Variants in KRTAP2-3 observed in about 807,000 individuals in gnomAD.
KRTAP2-3 encodes the protein keratin-associated protein 2-3.
KRTAP2-3 carries 9 observed loss-of-function variants against 11.2 expected under a neutral mutation model. That is an observed-to-expected ratio of 0.80 (90% CI 0.48 to 1.40). The LOEUF is 1.40. KRTAP2-3 is among the 40% of genes most tolerant of loss of function. The pLI is 0.00. For synonymous variants in KRTAP2-3, 45 were observed against 76.2 expected, an observed-to-expected ratio of 0.59 and a Z score of 2.13; for missense variants, 93 against 176.8, an observed-to-expected ratio of 0.53 and a Z score of 2.69.
In KRTAP2-3 at chr17:41,059,484, C is replaced by T. The variant is rs951515070; in HGVS notation, c.*180G>A. 6.4e-6 allele frequency: 7 copies of T among 1,089,400 alleles called. No homozygotes were observed. In the South Asian group the frequency reaches 1.1e-4, roughly 17 times the overall value. The allele number at this position is 1,089,400 out of a possible 1,614,324, so 67.5% of individuals were successfully genotyped here. A position where few individuals can be genotyped will look rare whatever the true frequency, so the allele number is the denominator to read the frequency against. ...TTTTTCTCAAGATTGTCAGAGAGGG[C>T]CAGGATTAGCTGCATAATTATGTGG... On this transcript the variant is annotated 3_prime_UTR_variant, in exon 1 of 1. Transcript: ENST00000391418.
Position 41,059,577 on chromosome 17 carries a change from C to T in KRTAP2-3, c.*87G>A, listed in dbSNP as rs545020703. On this transcript the variant is annotated 3_prime_UTR_variant, in exon 1 of 1. Coordinates refer to ENST00000391418, the MANE Select transcript of KRTAP2-3 (RefSeq NM_001165252.2). ...CAGCTAGGCTGCAAAGGTGGAGTCT[C>T]TCATCTGATCCAGAAGGGGTAGAAG... is the stretch of plus-strand genomic sequence containing the variant. The T allele has an allele frequency of 6.0e-6, 9 of 1,497,900 alleles. No individual in the cohort carries two copies. The highest frequency in any genetic ancestry group is 8.1e-6 in the Non-Finnish European group (9 of 1,116,900). The allele number at this position is 1,497,900 out of a possible 1,614,324, so 92.8% of individuals were successfully genotyped here. A position where few individuals can be genotyped will look rare whatever the true frequency, so the allele number is the denominator to read the frequency against.
rs753563181 is a variant in KRTAP2-3 at position 41,059,653 on chromosome 17, G to C, written c.*11C>G. The C allele has an allele frequency of 6.5e-7, 1 of 1,549,640 alleles. No homozygotes were observed. Among genetic ancestry groups the C allele is most frequent in the South Asian group, 1.2e-5 (1 of 83,880 alleles). On this transcript the variant is annotated 3_prime_UTR_variant, in exon 1 of 1. Coordinates refer to ENST00000391418, the MANE Select transcript of KRTAP2-3 (RefSeq NM_001165252.2). The stretch of plus-strand genomic sequence containing the variant: ...GGGAATGTTTCGTGCGTTGAGAGGA[G>C]AGGTGGGGTCTCAGCAGGAGGAGGT...
Position 41,059,991 on chromosome 17 carries a change from G to C in KRTAP2-3, c.60C>G (p.Cys20Trp). 1 of 1,531,672 alleles carries C rather than the reference G, an allele frequency of 6.5e-7. No homozygotes were observed. 94.9% of individuals were successfully genotyped at this position (1,531,672 alleles called of 1,614,324 possible). A position where few individuals can be genotyped will look rare whatever the true frequency, so the allele number is the denominator to read the frequency against. ...LSSLSYGGGCCQPCCCRDPCC... is the reference protein window; with the variant it reads ...LSSLSYGGGCWQPCCCRDPCC... Reference sequence around the variant, plus strand: ...AGGGGTCGCGGCAGCAGCAGGGCTGGCAGCAGCCTCCCCCGTAGCTCAGGG... The same window carrying C: ...AGGGGTCGCGGCAGCAGCAGGGCTGCCAGCAGCCTCCCCCGTAGCTCAGGG... The change falls in exon 1 of 1, where the codon TGC becomes TGG. Residue 20 changes from cysteine to tryptophan, a missense_variant. Coordinates refer to ENST00000391418, the MANE Select transcript of KRTAP2-3 (RefSeq NM_001165252.2).
rs1597961754 is a variant in KRTAP2-3 at position 41,059,424 on chromosome 17, T to C, written c.*240A>G. 6 of 719,544 alleles carry C rather than the reference T, an allele frequency of 8.3e-6. No homozygotes were observed. In the East Asian group the frequency reaches 1.4e-4, roughly 17 times the overall value. 44.6% of individuals were successfully genotyped at this position (719,544 alleles called of 1,614,324 possible). On this transcript the variant is annotated 3_prime_UTR_variant, in exon 1 of 1. Transcript: ENST00000391418. ...TTGATTTTTATTTACTCGTTTTTTT[T>C]TTCAAGCCAGGAATTCGAATGATGA... is the stretch of plus-strand genomic sequence containing the variant.
Position 41,059,563 on chromosome 17 carries a change from C to T in KRTAP2-3, c.*101G>A. On this transcript the variant is annotated 3_prime_UTR_variant, in exon 1 of 1. Transcript: ENST00000391418. ...TCGTGCTTGAGGATCAGCTAGGCTG[C>T]AAAGGTGGAGTCTCTCATCTGATCC... 1 of 1,471,222 alleles carries T rather than the reference C, an allele frequency of 6.8e-7. No homozygotes were observed. Among genetic ancestry groups the T allele is most frequent in the Middle Eastern group, 2.2e-4 (1 of 4,586 alleles). 91.1% of individuals were successfully genotyped at this position (1,471,222 alleles called of 1,614,324 possible). A position where few individuals can be genotyped will look rare whatever the true frequency, so the allele number is the denominator to read the frequency against.
Position 41,059,636 on chromosome 17 carries a change from T to C in KRTAP2-3, c.*28A>G. Reference sequence around the variant, plus strand: ...CAAGCTTCTGTGCACCTGGGAATGTTTCGTGCGTTGAGAGGAGAGGTGGGG... The same window carrying C: ...CAAGCTTCTGTGCACCTGGGAATGTCTCGTGCGTTGAGAGGAGAGGTGGGG... On this transcript the variant is annotated 3_prime_UTR_variant, in exon 1 of 1. Transcript: ENST00000391418. 6.5e-7 allele frequency: 1 copy of C among 1,549,248 alleles called. No individual in the cohort carries two copies. Among genetic ancestry groups the C allele is most frequent in the South Asian group, 1.2e-5 (1 of 83,810 alleles).
Position 41,059,822 on chromosome 17 carries a change from T to C in KRTAP2-3, c.229A>G (p.Ile77Val). The C allele has an allele frequency of 6.5e-7, 1 of 1,534,994 alleles. No homozygotes were observed. The highest frequency in any genetic ancestry group is 8.7e-7 in the Non-Finnish European group (1 of 1,143,274). The stretch of plus-strand genomic sequence containing the variant: ...GTGCACGACGAGGGGCAGCAGGTGA[T>C]GGGGCGGCAGCAGCCTTCCTGCAGG... ...CSLQEGCCRP[I>V]TCCPSSCTAV... Residue 77 changes from isoleucine (I) to valine (V), a missense_variant, in exon 1 of 1, where the codon ATC (isoleucine) becomes GTC (valine). Physicochemically the swap from Ile to Val is conservative, Grantham distance 29 (BLOSUM62 3). Transcript: ENST00000391418.
At position 41,059,670 on chromosome 17, in the gene KRTAP2-3, G is replaced by A; in HGVS notation, c.381C>T (p.Ser127=). 3 of 1,555,308 alleles carry A rather than the reference G, an allele frequency of 1.9e-6. No homozygotes were observed. In the South Asian group the frequency reaches 3.6e-5, roughly 18 times the overall value. ...TPCSTTCRTS[S]C ...TGAGAGGAGAGGTGGGGTCTCAGCA[G>A]GAGGAGGTCCTGCAGGTGGTGCTGC... Residue 127 remains serine, a synonymous_variant, in exon 1 of 1, where the codon TCC becomes TCT. Coordinates refer to ENST00000391418, the MANE Select transcript of KRTAP2-3 (RefSeq NM_001165252.2).
chr17:41,059,879 A>C lies in KRTAP2-3; in HGVS notation c.172T>G (p.Cys58Gly). The C allele has an allele frequency of 3.3e-6, 5 of 1,512,788 alleles. No homozygotes were observed. Among genetic ancestry groups the C allele is most frequent in the Non-Finnish European group, 4.4e-6 (5 of 1,132,696 alleles). 93.7% of individuals were successfully genotyped at this position (1,512,788 alleles called of 1,614,324 possible). A position where few individuals can be genotyped will look rare whatever the true frequency, so the allele number is the denominator to read the frequency against. ...PRCTRPICEP[C>G]RRPVCCDPCS... is the part of the protein sequence containing the mutation. ...GGGTCGCAGCACACCGGGCGGCGGC[A>C]GGGCTCGCAGATGGGGCGCGTGCAG... The change falls in exon 1 of 1, where the codon TGC becomes GGC. Residue 58 changes from cysteine to glycine, a missense_variant. By Grantham distance (159) the Cys-to-Gly change is radical (BLOSUM62 -3). Coordinates refer to ENST00000391418, the MANE Select transcript of KRTAP2-3 (RefSeq NM_001165252.2).
At position 41,059,817 on chromosome 17, in the gene KRTAP2-3, G is replaced by A. The variant is rs367876457; in HGVS notation, c.234C>T (p.Thr78=). 1.6e-4 allele frequency: 241 copies of A among 1,536,762 alleles called. No homozygotes were observed. The East Asian group carries it at 2.5e-3, about 16-fold the overall frequency. The part of the protein sequence containing the change: ...SLQEGCCRPI[T]CCPSSCTAVV... ...CAGCCGTGCACGACGAGGGGCAGCA[G>A]GTGATGGGGCGGCAGCAGCCTTCCT... The change falls in exon 1 of 1, where the codon ACC becomes ACT. Residue 78 remains threonine, a synonymous_variant. Coordinates refer to ENST00000391418, the MANE Select transcript of KRTAP2-3 (RefSeq NM_001165252.2).
Position 41,059,933 on chromosome 17 carries a change from C to A in KRTAP2-3, c.118G>T (p.Val40Leu), listed in dbSNP as rs2013151409. Reference protein sequence around the residue: ...CCRPVTCQTTVCRPVTCVPRC... With the variant: ...CCRPVTCQTTLCRPVTCVPRC... ...GGCACGCAGGTCACGGGGCGGCACA[C>A]GGTGGTCTGGCAGGTCACGGGGCGG... Residue 40 changes from valine (V) to leucine (L), a missense_variant, in exon 1 of 1, where the codon GTG (valine) becomes TTG (leucine). Coordinates refer to ENST00000391418, the MANE Select transcript of KRTAP2-3 (RefSeq NM_001165252.2). The A allele has an allele frequency of 1.3e-6, 2 of 1,513,542 alleles. No individual in the cohort carries two copies. Among genetic ancestry groups the A allele is most frequent in the Non-Finnish European group, 1.8e-6 (2 of 1,135,774 alleles). 93.8% of individuals were successfully genotyped at this position (1,513,542 alleles called of 1,614,324 possible). A position where few individuals can be genotyped will look rare whatever the true frequency, so the allele number is the denominator to read the frequency against.
At position 41,059,364 on chromosome 17, in the gene KRTAP2-3, G is replaced by T; in HGVS notation, c.*300C>A. Reference sequence around the variant, plus strand: ...TTGAAACAGTAGAAAAAAGGGTGATGAGTCAGTGGGACAGAGTTCTATTCA... The same window carrying T: ...TTGAAACAGTAGAAAAAAGGGTGATTAGTCAGTGGGACAGAGTTCTATTCA... On this transcript the variant is annotated 3_prime_UTR_variant, in exon 1 of 1. Transcript: ENST00000391418. The T allele has an allele frequency of 2.2e-6, 1 of 462,894 alleles. No individual in the cohort carries two copies. Among genetic ancestry groups the T allele is most frequent in the Non-Finnish European group, 3.7e-6 (1 of 269,884 alleles). The allele number at this position is 462,894 out of a possible 1,614,324, so 28.7% of individuals were successfully genotyped here. A position where few individuals can be genotyped will look rare whatever the true frequency, so the allele number is the denominator to read the frequency against.
chr17:41,059,379 A>T lies in KRTAP2-3; in HGVS notation c.*285T>A. 3.8e-6 allele frequency: 2 copies of T among 530,290 alleles called. No individual in the cohort carries two copies. The highest frequency in any genetic ancestry group is 6.4e-6 in the Non-Finnish European group (2 of 310,736). The allele number at this position is 530,290 out of a possible 1,614,324, so 32.8% of individuals were successfully genotyped here. ...AAAGGGTGATGAGTCAGTGGGACAG[A>T]GTTCTATTCAAGAGGAGCTTTGATT... is the stretch of plus-strand genomic sequence containing the variant. On this transcript the variant is annotated 3_prime_UTR_variant, in exon 1 of 1. Transcript: ENST00000391418.
Position 41,059,932 on chromosome 17 carries a change from A to T in KRTAP2-3, c.119T>A (p.Val40Glu). Residue 40 changes from valine (V) to glutamate (E), a missense_variant, in exon 1 of 1, where the codon GTG becomes GAG. By Grantham distance (121) the Val-to-Glu change is moderately radical. Transcript: ENST00000391418. ...CCRPVTCQTT[V>E]CRPVTCVPRC... ...GGGCACGCAGGTCACGGGGCGGCAC[A>T]CGGTGGTCTGGCAGGTCACGGGGCG... 6.6e-7 allele frequency: 1 copy of T among 1,513,992 alleles called. No individual in the cohort carries two copies. Among genetic ancestry groups the T allele is most frequent in the Non-Finnish European group, 8.8e-7 (1 of 1,135,918 alleles). 93.8% of individuals were successfully genotyped at this position (1,513,992 alleles called of 1,614,324 possible).
At position 41,059,288 on chromosome 17, in the gene KRTAP2-3, A is replaced by G; in HGVS notation, c.*376T>C. On this transcript the variant is annotated 3_prime_UTR_variant, in exon 1 of 1. Transcript: ENST00000391418. ...TTATTTTTTTTTACAGTGCAAAAAT[A>G]CAGCATACAAATAGTATTATCCTGG... The G allele has an allele frequency of 8.0e-6, 2 of 249,926 alleles. No homozygotes were observed. The allele number at this position is 249,926 out of a possible 1,614,324, so 15.5% of individuals were successfully genotyped here.
chr17:41,059,606 C>G lies in KRTAP2-3; in HGVS notation c.*58G>C. 1 of 1,537,038 alleles carries G rather than the reference C, an allele frequency of 6.5e-7. No individual in the cohort carries two copies. The highest frequency in any genetic ancestry group is 8.8e-7 in the Non-Finnish European group (1 of 1,138,444). ...TCTGATCCAGAAGGGGTAGAAGAGT[C>G]TGCACAAGCTTCTGTGCACCTGGGA... On this transcript the variant is annotated 3_prime_UTR_variant, in exon 1 of 1. Transcript: ENST00000391418.
At position 41,059,416 on chromosome 17, in the gene KRTAP2-3, G is replaced by A. The variant is rs12936757; in HGVS notation, c.*248C>T. ...GAGGAGCTTTGATTTTTATTTACTC[G>A]TTTTTTTTTTCAAGCCAGGAATTCG... On this transcript the variant is annotated 3_prime_UTR_variant, in exon 1 of 1. Transcript: ENST00000391418. 10,970 of 587,682 alleles carry A rather than the reference G, an allele frequency of 0.019. 933 individuals are homozygous for A. In the African/African-American group the frequency reaches 0.19, roughly 10 times the overall value. The allele number at this position is 587,682 out of a possible 1,614,324, so 36.4% of individuals were successfully genotyped here.
chr17:41,059,588 C>T lies in KRTAP2-3; in HGVS notation c.*76G>A. On this transcript the variant is annotated 3_prime_UTR_variant, in exon 1 of 1. Coordinates refer to ENST00000391418, the MANE Select transcript of KRTAP2-3 (RefSeq NM_001165252.2). The stretch of plus-strand genomic sequence containing the variant: ...CAAAGGTGGAGTCTCTCATCTGATC[C>T]AGAAGGGGTAGAAGAGTCTGCACAA... 2 of 1,512,916 alleles carry T rather than the reference C, an allele frequency of 1.3e-6. No individual in the cohort carries two copies. The highest frequency in any genetic ancestry group is 1.8e-6 in the Non-Finnish European group (2 of 1,124,484). The allele number at this position is 1,512,916 out of a possible 1,614,324, so 93.7% of individuals were successfully genotyped here.
rs2013139237 is a variant in KRTAP2-3 at position 41,059,458 on chromosome 17, AT to A, written c.*205del. On this transcript the variant is annotated 3_prime_UTR_variant, in exon 1 of 1. Coordinates refer to ENST00000391418, the MANE Select transcript of KRTAP2-3 (RefSeq NM_001165252.2). ...AGGAATTCGAATGATGAAAGCTGGA[AT>A]TTTTCTCAAGATTGTCAGAGAGGGC... 4.3e-6 allele frequency: 4 copies of A among 933,676 alleles called. No individual in the cohort carries two copies. In the South Asian group the frequency reaches 1.1e-4, roughly 25 times the overall value. The allele number at this position is 933,676 out of a possible 1,614,324, so 57.8% of individuals were successfully genotyped here. A position where few individuals can be genotyped will look rare whatever the true frequency, so the allele number is the denominator to read the frequency against.
Sources: gnomAD v4.1 joint callset for allele counts on GRCh38, gnomAD v4.1.1 for gene constraint, MANE v1.5 for transcripts, NCBI Gene and HGNC (gene_info 2026-07-23, HGNC 2026-07-21) for gene names.